Variants in USO1 observed in about 807,000 individuals in gnomAD.
USO1 encodes the protein USO1 vesicle transport factor.
In USO1, 57 loss-of-function variants were observed where a neutral mutation model predicts 124.5. The ratio of observed to expected loss-of-function variants is 0.46; its 90% CI spans 0.37 to 0.57. The LOEUF is 0.57. USO1 is among the 20% of genes least tolerant of loss of function. USO1 has a pLI of 0.00. For synonymous variants in USO1, 369 were observed against 362.8 expected (o/e 1.02, Z -0.19); for missense variants, 900 against 1,040.6 (o/e 0.86, Z 1.86).
At chr4:75,739,165 G>A (rs750013425) in intron 1 of USO1, among the ~76,000 whole-genome samples, 1 of 152,134 alleles carries the variant, frequency 6.6e-6, no homozygotes, top group Non-Finnish European at 1.5e-5. Flanking sequence ...TTTTTTTAAA[G>A]TGTTGTAAAT....
intron 9 of USO1, 31 bp from the exon 10 acceptor site, chr4:75,787,031 A>G: frequency 4.5e-6 from 7 of 1,553,268 alleles, no homozygotes; most frequent in Non-Finnish European, 5.2e-6. Context: ...AATCTTTAAA[A>G]GACAAATTTT....
At chr4:75,810,671 A>T in intron 22 of USO1, 132 bp downstream of exon 22, 1 of 1,121,926 alleles carries the variant, frequency 8.9e-7, no homozygotes, top group South Asian at 1.9e-5. Flanking sequence ...CAACATTTTC[A>T]CTCCTATATT....
chr4:75,790,274 A>G (rs1397399026), intron 11 of USO1, 36 bp downstream of exon 11: 1 of 1,558,758 alleles, frequency 6.4e-7, no homozygotes. Context: ...ACTCTGAGGA[A>G]GTAAAAACTT....
intron 4 of USO1, among the ~76,000 whole-genome samples, chr4:75,762,689 G>A (rs1271824564): frequency 6.6e-6 from 1 of 152,120 alleles, no homozygotes; most frequent in African/African-American, 2.4e-5. Context: ...AGCACTTTGG[G>A]AGGCTGAGGC....
chr4:75,743,437 G>GCCCCT (rs1385417268), intron 1 of USO1, among the ~76,000 whole-genome samples: 1 of 151,850 alleles, frequency 6.6e-6, no homozygotes, highest in Non-Finnish European at 1.5e-5. Context: ...TTTCTCTAAG[G>GCCCCT]CCCCTCTGCC....
intron 8 of USO1, among the ~76,000 whole-genome samples, chr4:75,777,791 CA>C (rs1254994622): frequency 6.6e-6 from 1 of 152,186 alleles, no homozygotes; most frequent in African/African-American, 2.4e-5. Flanking sequence ...TGGTTTCTCA[CA>C]AAGCTAAACA....
At chr4:75,812,620 G>A (rs146442835) in intron 23 of USO1, among the ~76,000 whole-genome samples, 10 of 152,218 alleles carry the variant, frequency 6.6e-5, no homozygotes, top group Admixed American at 2.0e-4. Flanking sequence ...AAAGTGAATT[G>A]ATTTGATTGG....
intron 19 of USO1, 60 bp downstream of exon 19, chr4:75,805,363 C>CT (rs1314954031): frequency 0.016 from 16,945 of 1,049,312 alleles, no homozygotes; most frequent in South Asian, 0.025. Flanking sequence ...ATTATCCTGC[C>CT]TTTTTTTTTT....
intron 20 of USO1, among the ~76,000 whole-genome samples, chr4:75,807,828 T>A (rs1560463215): frequency 6.6e-6 from 1 of 152,136 alleles, no homozygotes; most frequent in East Asian, 1.9e-4. Context: ...AAAAAGAGAA[T>A]TGCCTTTTAG....
At chr4:75,753,161 G>C (rs1721337105) in intron 3 of USO1, among the ~76,000 whole-genome samples, 1 of 152,136 alleles carries the variant, frequency 6.6e-6, no homozygotes, top group African/African-American at 2.4e-5. Flanking sequence ...GCTCAAGCTT[G>C]TAATTCCAGC....
intron 17 of USO1, among the ~76,000 whole-genome samples, chr4:75,803,475 C>G (rs531257276): frequency 1.4e-3 from 209 of 151,776 alleles, no homozygotes; most frequent in African/African-American, 4.9e-3. Context: ...TGGTGAAACC[C>G]CATCTCTACT....
intron 1 of USO1, among the ~76,000 whole-genome samples, chr4:75,749,375 A>G (rs2149151800): frequency 6.6e-6 from 1 of 152,248 alleles, no homozygotes; most frequent in East Asian, 1.9e-4. Flanking sequence ...GAATCTTTAA[A>G]GAATATAATA....
Position 75,785,390 on chromosome 4 carries a change from A to G in USO1, c.856-1672A>G, listed in dbSNP as rs544020061. Among the ~76,000 whole-genome samples the G allele has an allele frequency of 3.9e-5, 6 of 152,182 alleles. No homozygotes were observed. The South Asian group carries it at 1.2e-3, about 32-fold the overall frequency. ...AAAATTATAGTTTTATGGCTAGTCT[A>G]CTTTTTATCCCTGCAGGAGTCTCTT... is the stretch of plus-strand genomic sequence containing the variant. On this transcript the variant is annotated intron_variant, in intron 9 of 23. Transcript: ENST00000514213.
chr4:75,734,717 G>GTTTTTTT (rs1560433530), intron 1 of USO1, among the ~76,000 whole-genome samples: 1 of 22,848 alleles, frequency 4.4e-5, no homozygotes, highest in Non-Finnish European at 9.0e-5. Flanking sequence ...GGGCAGTATG[G>GTTTTTTT]CTTTTTTTTT....
intron 19 of USO1, among the ~76,000 whole-genome samples, 180 bp downstream of exon 19, chr4:75,805,483 G>A (rs1028510482): frequency 6.6e-6 from 1 of 152,070 alleles, no homozygotes; most frequent in Admixed American, 6.5e-5. Context: ...GAGGTGGGCG[G>A]ATCACCTGAG....
At chr4:75,808,811 C>T in intron 20 of USO1, 142 bp from the exon 21 acceptor site, 2 of 952,302 alleles carry the variant, frequency 2.1e-6, no homozygotes, top group Non-Finnish European at 3.0e-6. Context: ...CATCTTGAAC[C>T]CAAAATTCAA....
chr4:75,790,223 C>T lies in USO1; in HGVS notation c.1070C>T (p.Pro357Leu). The T allele has an allele frequency of 6.3e-7, 1 of 1,598,706 alleles. No individual in the cohort carries two copies. The highest frequency in any genetic ancestry group is 8.5e-7 in the Non-Finnish European group (1 of 1,172,120). Residue 357 changes from proline (P) to leucine (L), a missense_variant, in exon 11 of 24, where the codon CCT becomes CTT. Transcript: ENST00000514213. Reference sequence around the variant, plus strand: ...GACTACTTTGCATCTGTAAATGCACCTTCAAACCCACCAAGGTAGAAAAAG... The same window carrying T: ...GACTACTTTGCATCTGTAAATGCACTTTCAAACCCACCAAGGTAGAAAAAG... ...NQDYFASVNA[P>L]SNPPRPAIVV...
At chr4:75,747,615 T>TC (rs2149149846) in intron 1 of USO1, among the ~76,000 whole-genome samples, 1 of 140,932 alleles carries the variant, frequency 7.1e-6, no homozygotes, top group East Asian at 2.0e-4. Flanking sequence ...TTTTTTTTTT[T>TC]TTTTTTTTTT....
intron 1 of USO1, among the ~76,000 whole-genome samples, chr4:75,740,269 C>T (rs1306150014): frequency 6.6e-6 from 1 of 152,024 alleles, no homozygotes; most frequent in Non-Finnish European, 1.5e-5. Flanking sequence ...GGAAACTAAC[C>T]CTGTATTTTC....
Sources: allele counts gnomAD v4.1 joint callset (sites outside exome capture counted in the v4.1 genomes callset), GRCh38; gene constraint gnomAD v4.1.1; transcripts MANE v1.5; gene names NCBI Gene and HGNC (gene_info 2026-07-23, HGNC 2026-07-21).